The following CALM2 variants were observed in gnomAD, a reference collection of about 807,000 sequenced individuals.
CALM2 encodes the protein calmodulin-2.
CALM2 carries 2 observed loss-of-function variants against 19.8 expected under a neutral mutation model. The observed-to-expected ratio is 0.10, with a 90% CI of 0.04 to 0.32. The LOEUF is 0.32. Ranked by LOEUF, CALM2 falls within the 10% of genes least tolerant of loss-of-function variation. The pLI is 1.00. For synonymous variants in CALM2, 51 were observed against 52.1 expected, an observed-to-expected ratio of 0.98 and a Z score of 0.09; for missense variants, 38 against 178.7, an observed-to-expected ratio of 0.21 and a Z score of 4.49.
chr2:47,171,403 A>G (rs1028671738), intron 1 of CALM2: 1 of 152,598 alleles, frequency 6.6e-6, no homozygotes, highest in Non-Finnish European at 1.5e-5. Context: ...GCTAAAACCC[A>G]TTATAAATTT....
intron 1 of CALM2, chr2:47,171,327 A>G (rs1475514764): frequency 6.6e-6 from 1 of 152,566 alleles, no homozygotes; most frequent in Non-Finnish European, 1.5e-5. Context: ...TCCCAAAGTA[A>G]GCCCAAGGCT....
chr2:47,171,011 G>C (rs1012520286), intron 1 of CALM2: 18 of 437,838 alleles, frequency 4.1e-5, no homozygotes, highest in Non-Finnish European at 6.6e-5. Flanking sequence ...GAATCCAATA[G>C]AAACATTGCT....
rs563702873 is a variant in CALM2, at chr2:47,175,081, G to GTTTTTTTTTTT, written c.3+1349_3+1359dup. Among the ~76,000 whole-genome samples the GTTTTTTTTTTT allele has an allele frequency of 7.7e-4, 60 of 77,924 alleles. 3 individuals carry two copies. Among genetic ancestry groups the GTTTTTTTTTTT allele is most frequent in the African/African-American group, 4.3e-3 (47 of 10,886 alleles). The allele number at this position is 77,924 out of a possible 152,430, so 51.1% of individuals were successfully genotyped here. The stretch of plus-strand genomic sequence containing the variant: ...TCACAGATCACCGCCCTCATTAGGT[G>GTTTTTTTTTTT]TTTTTTTTTTTTTTTTTCAGGAAAG... On this transcript the variant is annotated intron_variant, in intron 1 of 5. Coordinates refer to ENST00000272298, the MANE Select transcript of CALM2 (RefSeq NM_001743.6).
At chr2:47,168,198 A>G (rs1197502118) in intron 2 of CALM2, among the ~76,000 whole-genome samples, 3 of 152,130 alleles carry the variant, frequency 2.0e-5, no homozygotes, top group Admixed American at 2.0e-4. Context: ...GTAGCATAGA[A>G]GTTTTGGTTC....
At chr2:47,161,052 T>C (rs1687139057) in intron 5 of CALM2, among the ~76,000 whole-genome samples, 3 of 152,196 alleles carry the variant, frequency 2.0e-5, no homozygotes, top group Admixed American at 6.5e-5. Context: ...AAAAGAGCAT[T>C]CTTGGCTCTT....
chr2:47,165,760 C>T (rs1338849591), intron 2 of CALM2, among the ~76,000 whole-genome samples: 2 of 152,142 alleles, frequency 1.3e-5, no homozygotes, highest in East Asian at 3.8e-4. Flanking sequence ...GATATAGCTC[C>T]CCTGGCTGAT....
intron 2 of CALM2, among the ~76,000 whole-genome samples, chr2:47,169,095 GTTGT>G (rs1262471237): frequency 6.6e-6 from 1 of 152,112 alleles, no homozygotes; most frequent in Non-Finnish European, 1.5e-5. Context: ...TTTTCAAAGA[GTTGT>G]TTAAGAGAGC....
chr2:47,174,979 C>T (rs892143209), intron 1 of CALM2, among the ~76,000 whole-genome samples: 11 of 151,812 alleles, frequency 7.2e-5, no homozygotes, highest in Admixed American at 2.0e-4. Context: ...TCCCTAACTC[C>T]TGTTTAAGAT....
intron 1 of CALM2, chr2:47,171,175 TAAA>T (rs10700263): frequency 3.4e-5 from 5 of 147,148 alleles, no homozygotes; most frequent in Admixed American, 1.3e-4. Context: ...TTAAAGTGAT[TAAA>T]AAAAAAAAAA....
chr2:47,173,120 A>G (rs1409267249), intron 1 of CALM2: 2 of 152,174 alleles, frequency 1.3e-5, no homozygotes, highest in East Asian at 3.9e-4. Flanking sequence ...ACTTATCCAG[A>G]GTTCAGGTTT....
At position 47,161,933 on chromosome 2, in the gene CALM2, C is replaced by T. The variant is rs1687169744; in HGVS notation, c.286-75G>A. 5 of 1,225,320 alleles carry T rather than the reference C, an allele frequency of 4.1e-6. No homozygotes were observed. In the Admixed American group the frequency reaches 1.1e-4, roughly 26 times the overall value. The allele number at this position is 1,225,320 out of a possible 1,614,324, so 75.9% of individuals were successfully genotyped here. A position where few individuals can be genotyped will look rare whatever the true frequency, so the allele number is the denominator to read the frequency against. ...TTGGAATGGAAATTTATTAAGTTTA[C>T]TACTAAATTTCACATTGGGGGAAAA... On this transcript the variant is annotated intron_variant, in intron 4 of 5. Coordinates refer to ENST00000272298, the MANE Select transcript of CALM2 (RefSeq NM_001743.6).
chr2:47,165,961 C>T (rs930083888), intron 2 of CALM2, among the ~76,000 whole-genome samples: 5 of 152,182 alleles, frequency 3.3e-5, no homozygotes, highest in Non-Finnish European at 7.3e-5. Context: ...CTCCATCGTC[C>T]TTTGCCAGGG....
At position 47,166,858 on chromosome 2, in the gene CALM2, A is replaced by G. The variant is rs1038702463; in HGVS notation, c.34+3876T>C. ...ATGCCACAGAACAGCTATCTTCTACATAATTGATAGATATAAGGAACCTAC... is the reference window on the plus strand; with the variant it reads ...ATGCCACAGAACAGCTATCTTCTACGTAATTGATAGATATAAGGAACCTAC... On this transcript the variant is annotated intron_variant, in intron 2 of 5. Transcript: ENST00000272298. Among the ~76,000 whole-genome samples, 9 of 152,330 alleles carry G rather than the reference A, an allele frequency of 5.9e-5. No homozygotes were observed. The East Asian group carries it at 7.7e-4, about 13-fold the overall frequency.
In CALM2 at chr2:47,175,441, G is replaced by C. The variant is rs990494603; in HGVS notation, c.3+1000C>G. Among the ~76,000 whole-genome samples the C allele has an allele frequency of 2.0e-4, 30 of 152,274 alleles. No homozygotes were observed. In the East Asian group the frequency reaches 5.6e-3, roughly 28 times the overall value. On this transcript the variant is annotated intron_variant, in intron 1 of 5. Transcript: ENST00000272298. ...GTCACTCCGGAGCCTGCTTCCCTCC[G>C]GCGGTGAACAAGAAACGCCTTGTAG... is the stretch of plus-strand genomic sequence containing the variant.
Position 47,169,934 on chromosome 2 carries a change from A to G in CALM2, c.34+800T>C, listed in dbSNP as rs938137362. On this transcript the variant is annotated intron_variant, in intron 2 of 5. Transcript: ENST00000272298. Reference sequence around the variant, plus strand: ...AAAAGTGTCTAATGAAAACAAAGGAATAGTTTGCAAAGCATTTCAACACTA... The same window carrying G: ...AAAAGTGTCTAATGAAAACAAAGGAGTAGTTTGCAAAGCATTTCAACACTA... Among the ~76,000 whole-genome samples the G allele has an allele frequency of 2.7e-5, 4 of 145,752 alleles. 1 individual carries two copies. In the East Asian group the frequency reaches 8.7e-4, roughly 32 times the overall value.
intron 1 of CALM2, 129 bp downstream of exon 1, chr2:47,176,312 T>G (rs1054078250): frequency 8.5e-7 from 1 of 1,178,824 alleles, no homozygotes; most frequent in Non-Finnish European, 1.2e-6. Flanking sequence ...CCTGGCCTCT[T>G]TCGCGCCATC....
chr2:47,163,325 T>C (rs1179057364), intron 2 of CALM2: 1 of 152,246 alleles, frequency 6.6e-6, no homozygotes, highest in East Asian at 1.9e-4. Context: ...TGCATGTCAC[T>C]GAGAACAAAG....
chr2:47,176,031 C>T (rs1573235175), intron 1 of CALM2, among the ~76,000 whole-genome samples: 1 of 152,290 alleles, frequency 6.6e-6, no homozygotes, highest in Admixed American at 6.5e-5. Context: ...CCCGCACTAA[C>T]CGTCGGTCGG....
At chr2:47,175,368 C>T (rs576565402) in intron 1 of CALM2, among the ~76,000 whole-genome samples, 136 of 152,180 alleles carry the variant, frequency 8.9e-4, no homozygotes, top group Non-Finnish European at 1.6e-3. Flanking sequence ...GACAGGGGCT[C>T]TTCAAAGGCA....
Sources: gnomAD v4.1 joint callset for allele counts (sites outside exome capture counted in the v4.1 genomes callset) on GRCh38, gnomAD v4.1.1 for gene constraint, MANE v1.5 for transcripts, NCBI Gene and HGNC (gene_info 2026-07-23, HGNC 2026-07-21) for gene names.